Variants in LYST observed in about 807,000 individuals in gnomAD.
LYST encodes the protein lysosomal-trafficking regulator.
In LYST, 192 loss-of-function variants were observed where a neutral mutation model predicts 413.6. That is an observed-to-expected ratio of 0.46 (90% CI 0.41 to 0.52). The LOEUF (loss-of-function observed/expected upper bound fraction) is 0.52. LYST is among the 20% of genes least tolerant of loss of function. The probability of loss-of-function intolerance (pLI) is 0.00; values close to 1 mark genes in which losing one functional copy is unlikely to be tolerated. For missense variants in LYST, 3,815 were observed against 4,499.9 expected (o/e 0.85, Z 4.35); for synonymous variants, 1,525 against 1,567.3 (o/e 0.97, Z 0.64).
intron 38 of LYST, among the ~76,000 whole-genome samples, chr1:235,725,532 T>G (rs1296850668): frequency 6.6e-6 from 1 of 152,152 alleles, no homozygotes; most frequent in Admixed American, 6.5e-5. Context: ...AAAAAGCCTC[T>G]CTCTGAGAAT....
chr1:235,806,479 C>T lies in LYST; in HGVS notation c.2657G>A (p.Arg886Gln), dbSNP rs200324240. 1.4e-5 allele frequency: 22 copies of T among 1,614,034 alleles called. No individual in the cohort carries two copies. The highest frequency in any genetic ancestry group is 1.6e-4 in the Middle Eastern group (1 of 6,062). The change falls in exon 6 of 53, where the codon CGG (arginine) becomes CAG (glutamine). Residue 886 changes from arginine (R) to glutamine (Q), a missense_variant. Physicochemically the swap from Arg to Gln is conservative, Grantham distance 43. Transcript: ENST00000389793. ...AGLKEAYPKRRKTVNQDVHIN... is the reference protein window; with the variant it reads ...AGLKEAYPKRQKTVNQDVHIN... ...ATGAACATCTTGGTTAACAGTCTTC[C>T]GTCTCTTTGGATAAGCTTCTTTGAG... is the stretch of plus-strand genomic sequence containing the variant.
chr1:235,867,574 G>A (rs1351009053), upstream of LYST, among the ~76,000 whole-genome samples: 2 of 152,184 alleles, frequency 1.3e-5, no homozygotes, highest in Non-Finnish European at 2.9e-5. Flanking sequence ...TGTATACAGT[G>A]CGCACTGTCA....
In LYST at chr1:235,697,179, C is replaced by A. The variant is rs373529106; in HGVS notation, c.10468G>T (p.Gly3490Ter). The change falls in exon 46 of 53, where the codon GGA becomes TGA. Residue 3490 changes from glycine (G) to a stop codon, truncating the protein, a stop_gained. Coordinates refer to ENST00000389793, the MANE Select transcript of LYST (RefSeq NM_000081.4). LOFTEE classifies it high-confidence loss of function. ...VPVVCFSQPH[G>*]ERFGSLQALP... ...GCCTGGAGAGAGCCAAATCTTTCTC[C>A]GTGGGGCTGGCTGAAGCAGACCACA... is the stretch of plus-strand genomic sequence containing the variant. The A allele has an allele frequency of 6.2e-7, 1 of 1,614,172 alleles. No homozygotes were observed. Among genetic ancestry groups the A allele is most frequent in the Non-Finnish European group, 8.5e-7 (1 of 1,180,014 alleles).
intron 38 of LYST, among the ~76,000 whole-genome samples, chr1:235,727,352 G>A (rs1663978967): frequency 6.6e-6 from 1 of 151,844 alleles, no homozygotes; most frequent in Non-Finnish European, 1.5e-5. Flanking sequence ...TCAAACTCCT[G>A]ACCTCAGGTG....
chr1:235,689,016 A>ATAATAG, intron 47 of LYST, among the ~76,000 whole-genome samples: 1 of 139,180 alleles, frequency 7.2e-6, no homozygotes, highest in Non-Finnish European at 1.5e-5. Context: ...AATAATAATA[A>ATAATAG]TAATAATAAT....
At position 235,674,872 on chromosome 1, in the gene LYST, A is replaced by C. The variant is rs1304920468; in HGVS notation, c.11038+2219T>G. 6.6e-6 allele frequency among the ~76,000 whole-genome samples: 1 copy of C among 152,032 alleles called. No homozygotes were observed. The highest frequency in any genetic ancestry group is 1.5e-5 in the Non-Finnish European group (1 of 68,014). ...AAAAATGGTTTAGAAAATAGAAAGG[A>C]CTCATAACATCAATCTTTATCCCCC... On this transcript the variant is annotated intron_variant, in intron 50 of 52. Coordinates refer to ENST00000389793, the MANE Select transcript of LYST (RefSeq NM_000081.4). This position sits in a 1 kb window ranked among gnomAD's most constrained non-coding sequence, Gnocchi z 4.1.
Position 235,793,540 on chromosome 1 carries a change from A to G in LYST, c.4079T>C (p.Leu1360Pro). 6.3e-7 allele frequency: 1 copy of G among 1,589,654 alleles called. No individual in the cohort carries two copies. The highest frequency in any genetic ancestry group is 8.6e-7 in the Non-Finnish European group (1 of 1,160,704). The change falls in exon 11 of 53, where the codon CTT becomes CCT. Residue 1360 changes from leucine (L) to proline (P), a missense_variant. Transcript: ENST00000389793. Reference protein sequence around the residue: ...SSRTCSEELTLLLRIFLEKSP... With the variant: ...SSRTCSEELTPLLRIFLEKSP... ...TTTCTCCAGAAATATTCTCAAAAGA[A>G]GGGTTAGCTCTTCTGAACATGTTCT...
At chr1:235,788,654 T>C (rs1410357410) in intron 13 of LYST, 47 bp downstream of exon 13, 1 of 1,571,284 alleles carries the variant, frequency 6.4e-7, no homozygotes, top group Admixed American at 1.7e-5. Flanking sequence ...TTACACAAAT[T>C]ATTTAAATAC....
At chr1:235,776,978 C>T (rs1181772760) in intron 17 of LYST, 85 bp downstream of exon 17, 17 of 1,217,988 alleles carry the variant, frequency 1.4e-5, no homozygotes, top group South Asian at 2.6e-5. Context: ...GTAGCTTTTT[C>T]GTGTGGTCCA....
At chr1:235,790,603 C>G (rs1248818863) in intron 12 of LYST, among the ~76,000 whole-genome samples, 1 of 152,128 alleles carries the variant, frequency 6.6e-6, no homozygotes. Flanking sequence ...GAATGAAGAG[C>G]TACTGAGGCC....
At chr1:235,701,658 A>AGAT (rs1233392818) in intron 45 of LYST, among the ~76,000 whole-genome samples, 3 of 152,106 alleles carry the variant, frequency 2.0e-5, no homozygotes, top group African/African-American at 7.2e-5. Flanking sequence ...ATCAAGTGAC[A>AGAT]GATTGTAGTT....
intron 42 of LYST, among the ~76,000 whole-genome samples, chr1:235,714,286 C>T: frequency 6.6e-6 from 1 of 152,042 alleles, no homozygotes; most frequent in Admixed American, 6.6e-5. Context: ...CCAGGAGGCC[C>T]TCAATCTGCC....
chr1:235,744,203 T>C, intron 29 of LYST, 46 bp from the exon 30 acceptor site: 1 of 1,010,856 alleles, frequency 9.9e-7, no homozygotes. Flanking sequence ...ATCACTGCTA[T>C]CTTGCCATTA....
chr1:235,844,372 A>G (rs1168543326), intron 1 of LYST, among the ~76,000 whole-genome samples: 1 of 152,244 alleles, frequency 6.6e-6, no homozygotes, highest in Non-Finnish European at 1.5e-5. Flanking sequence ...AATTTTAGAT[A>G]TCATATTCTC....
intron 31 of LYST, chr1:235,735,462 C>T (rs1469289907): frequency 6.6e-6 from 1 of 152,120 alleles, no homozygotes; most frequent in Admixed American, 6.5e-5. Context: ...AAGATAATGA[C>T]AATTGGCCTT....
rs886046180 is a variant in LYST, at chr1:235,806,506, C to G, written c.2630G>C (p.Gly877Ala). The change falls in exon 6 of 53, where the codon GGC becomes GCC. Residue 877 changes from glycine (G) to alanine (A), a missense_variant. Transcript: ENST00000389793. Reference sequence around the variant, plus strand: ...TCTCTTTGGATAAGCTTCTTTGAGGCCAGCATAAAATTTGCTGAGACTCTG... The same window carrying G: ...TCTCTTTGGATAAGCTTCTTTGAGGGCAGCATAAAATTTGCTGAGACTCTG... ...SPQSLSKFYA[G>A]LKEAYPKRRK... The G allele has an allele frequency of 2.5e-6, 4 of 1,613,966 alleles. No homozygotes were observed. The highest frequency in any genetic ancestry group is 3.4e-6 in the Non-Finnish European group (4 of 1,179,968).
At position 235,716,357 on chromosome 1, in the gene LYST, T is replaced by C. The variant is rs184139267; in HGVS notation, c.9627+355A>G. Among the ~76,000 whole-genome samples, 14 of 152,294 alleles carry C rather than the reference T, an allele frequency of 9.2e-5. No individual in the cohort carries two copies. The East Asian group carries it at 2.7e-3, about 29-fold the overall frequency. On this transcript the variant is annotated intron_variant, in intron 41 of 52. Transcript: ENST00000389793. ...AATATGACTAATGGTTATGGGTACATTATAAATATATTAACACTATTACAT... is the reference window on the plus strand; with the variant it reads ...AATATGACTAATGGTTATGGGTACACTATAAATATATTAACACTATTACAT...
At chr1:235,881,608 A>G (rs748496334) in intron 1 of LYST, among the ~76,000 whole-genome samples, 31 of 152,294 alleles carry the variant, frequency 2.0e-4, no homozygotes, top group Non-Finnish European at 4.1e-4. Flanking sequence ...AATGTGATAT[A>G]TTATATATAT....
chr1:235,755,388 C>CAAGAAAAGAAAAGAAAAGAAAAG lies in LYST; in HGVS notation c.7229+89_7229+90insCTTTTCTTTTCTTTTCTTTTCTT, dbSNP rs71576487. The CAAGAAAAGAAAAGAAAAGAAAAG allele has an allele frequency of 7.5e-5, 65 of 867,376 alleles. No homozygotes were observed. In the African/African-American group the frequency reaches 1.0e-3, roughly 14 times the overall value. 53.7% of individuals were successfully genotyped at this position (867,376 alleles called of 1,614,324 possible). A position where few individuals can be genotyped will look rare whatever the true frequency, so the allele number is the denominator to read the frequency against. On this transcript the variant is annotated intron_variant, in intron 25 of 52. Transcript: ENST00000389793. ...TGGGCAACAGGGCGAGACTCCGTCT[C>CAAGAAAAGAAAAGAAAAGAAAAG]AAAAGAAAAGAAAAGAAAAGAAAAG...
Sources: gnomAD v4.1 joint callset for allele counts (sites outside exome capture counted in the v4.1 genomes callset) on GRCh38, gnomAD v4.1.1 for gene constraint, Gnocchi (gnomAD v3.1) non-coding constraint, MANE v1.5 for transcripts, NCBI Gene and HGNC (gene_info 2026-07-23, HGNC 2026-07-21) for gene names.